RNF212: variants seen among roughly 807,000 people sequenced by gnomAD.
RNF212 encodes probable E3 SUMO-protein ligase RNF212.
A neutral mutation model predicts 34.7 loss-of-function variants in RNF212; 33 were observed. That is an observed-to-expected ratio of 0.95 (90% confidence interval 0.72 to 1.27). The LOEUF is 1.27. RNF212 is among the 50% of genes most tolerant of loss of function. The probability of loss-of-function intolerance (pLI) is 0.00; values close to 1 mark genes in which losing one functional copy is unlikely to be tolerated. For synonymous variants in RNF212, 140 were observed against 136.1 expected, an observed-to-expected ratio of 1.03 and a Z score of -0.20; for missense variants, 377 against 362.2, an observed-to-expected ratio of 1.04 and a Z score of -0.33.
At chr4:1,105,903 C>T (rs1577826178) in intron 2 of RNF212, among the ~76,000 whole-genome samples, 1 of 152,208 alleles carries the variant, frequency 6.6e-6, no homozygotes, top group Admixed American at 6.5e-5. Flanking sequence ...GGCACTGAGG[C>T]GGACGAAGAC....
At position 1,078,889 on chromosome 4, in the gene RNF212, T is replaced by C. The variant is rs369328789; in HGVS notation, c.510+754A>G. Among the ~76,000 whole-genome samples the C allele has an allele frequency of 3.5e-3, 439 of 124,552 alleles. 4 individuals are homozygous for C. The highest frequency in any genetic ancestry group is 4.3e-3 in the Non-Finnish European group (256 of 59,740). 81.7% of individuals were successfully genotyped at this position (124,552 alleles called of 152,430 possible). ...ACACAGGGTCAACACAGGACCGACA[T>C]GGGACCAACACAGGGTCAACACAGG... On this transcript the variant is annotated intron_variant, in intron 8 of 9. Transcript: ENST00000433731.
chr4:1,072,803 T>A lies in RNF212; in HGVS notation c.*71A>T, dbSNP rs548403166. On this transcript the variant is annotated 3_prime_UTR_variant, in exon 10 of 10. Coordinates refer to ENST00000433731, the MANE Select transcript of RNF212 (RefSeq NM_001131034.4). ...ATAAATGACAAAGGAATAAAGCAGA[T>A]AATTTGTAGAAAAAACACAGAGGAA... 157 of 1,491,326 alleles carry A rather than the reference T, an allele frequency of 1.1e-4. 3 individuals carry two copies. In the South Asian group the frequency reaches 1.9e-3, roughly 18 times the overall value. 92.4% of individuals were successfully genotyped at this position (1,491,326 alleles called of 1,614,324 possible).
chr4:1,056,445 G>A, exon 5 of RNF212: 1 of 923,580 alleles, frequency 1.1e-6, no homozygotes, highest in Non-Finnish European at 1.3e-6. Context: ...TCCCGCAGGA[G>A]GCATGGAAGT....
intron 2 of RNF212, chr4:1,100,168 G>C (rs1323065181): frequency 3.1e-6 from 1 of 324,312 alleles, no homozygotes; most frequent in Non-Finnish European, 6.0e-6. Context: ...GACTTTGCAC[G>C]GTTTCAGAAT....
chr4:1,073,000 A>G lies in RNF212; in HGVS notation c.768T>C (p.Tyr256=), dbSNP rs1276648642. The G allele has an allele frequency of 5.0e-6, 8 of 1,614,058 alleles. No homozygotes were observed. In the African/African-American group the frequency reaches 5.3e-5, roughly 11 times the overall value. ...ELTNSKTLPI[Y]AEVQRAVLFP... ...ACAAGACGGCCCTTTGTACCTCAGC[A>G]TATATTGGAAGTGTTTTAGAGTTGG... The change falls in exon 10 of 10, where the codon TAT becomes TAC. Residue 256 remains tyrosine (Y), a synonymous_variant. Coordinates refer to ENST00000433731, the MANE Select transcript of RNF212 (RefSeq NM_001131034.4).
chr4:1,089,622 G>A (rs971604058), intron 4 of RNF212, among the ~76,000 whole-genome samples: 1 of 152,180 alleles, frequency 6.6e-6, no homozygotes, highest in Non-Finnish European at 1.5e-5. Flanking sequence ...GAATGATGTG[G>A]TTTGGCTCTG....
intron 4 of RNF212, 37 bp downstream of exon 4, chr4:1,090,745 A>C (rs1722057447): frequency 2.5e-6 from 3 of 1,213,682 alleles, no homozygotes; most frequent in Non-Finnish European, 3.7e-6. Context: ...TCTAAAGGTC[A>C]AAAAAATTCA....
intron 4 of RNF212, among the ~76,000 whole-genome samples, chr4:1,089,292 A>C (rs1487898776): frequency 6.6e-6 from 1 of 152,210 alleles, no homozygotes; most frequent in Admixed American, 6.5e-5. Context: ...TAAAAGGATA[A>C]ATTTAAGATT....
chr4:1,085,606 C>T (rs988184904), intron 5 of RNF212: 16 of 516,718 alleles, frequency 3.1e-5, no homozygotes, highest in Admixed American at 1.0e-4. Flanking sequence ...TCTGAGAGGC[C>T]GGGGGCACCT....
intron 8 of RNF212, among the ~76,000 whole-genome samples, chr4:1,073,959 C>T (rs1006346584): frequency 1.3e-5 from 2 of 151,966 alleles, no homozygotes; most frequent in Admixed American, 6.6e-5. Flanking sequence ...TGAAAAAAAA[C>T]AAAATTTGCA....
intron 4 of RNF212, among the ~76,000 whole-genome samples, chr4:1,090,435 A>G (rs1331386443): frequency 6.6e-6 from 1 of 152,156 alleles, no homozygotes; most frequent in Admixed American, 6.5e-5. Context: ...TTTAAAAAGG[A>G]CTTGTTTTTC....
intron 8 of RNF212, among the ~76,000 whole-genome samples, chr4:1,074,562 C>G (rs922493361): frequency 2.0e-5 from 3 of 152,150 alleles, no homozygotes; most frequent in South Asian, 4.1e-4. Flanking sequence ...TCCAGGGACT[C>G]TCTCTGCCAC....
At position 1,061,523 on chromosome 4, in the gene RNF212, G is replaced by A. The variant is rs1022983591; in HGVS notation, n.148-3130C>T. On this transcript the variant is annotated intron_variant and non_coding_transcript_variant, in intron 3 of 4. Coordinates refer to the RNF212 transcript ENST00000503206. The stretch of plus-strand genomic sequence containing the variant: ...AGGCCTGTGCAGGGGGATCCAGCGC[G>A]GCCACAGAAGTGATGCCACAGGGGA... Among the ~76,000 whole-genome samples, 65 of 152,186 alleles carry A rather than the reference G, an allele frequency of 4.3e-4. 2 individuals carry two copies. Among genetic ancestry groups the A allele is most frequent in the South Asian group, 2.1e-4 (1 of 4,828 alleles).
At chr4:1,096,997 C>T (rs549032937) in intron 2 of RNF212, among the ~76,000 whole-genome samples, 158 bp from the exon 3 acceptor site, 73 of 152,322 alleles carry the variant, frequency 4.8e-4, no homozygotes, top group African/African-American at 1.6e-3. Context: ...GGGACAGCCT[C>T]GATCAACAGG....
At position 1,073,165 on chromosome 4, in the gene RNF212, G is replaced by C; in HGVS notation, c.603C>G (p.Phe201Leu). 2 of 1,614,070 alleles carry C rather than the reference G, an allele frequency of 1.2e-6. No homozygotes were observed. The highest frequency in any genetic ancestry group is 1.7e-6 in the Non-Finnish European group (2 of 1,179,950). ...MGPHLTASFC[F>L]IPWLTLSKPP... ...GCTTAGACAAGGTCAACCATGGGATGAAACAGAAAGAAGCTGTTAGATGTG... is the reference window on the plus strand; with the variant it reads ...GCTTAGACAAGGTCAACCATGGGATCAAACAGAAAGAAGCTGTTAGATGTG... The change falls in exon 10 of 10, where the codon TTC becomes TTG. Residue 201 changes from phenylalanine (F) to leucine (L), a missense_variant. Physicochemically the swap from Phe to Leu is conservative, Grantham distance 22 (BLOSUM62 0). Coordinates refer to ENST00000433731, the MANE Select transcript of RNF212 (RefSeq NM_001131034.4).
At position 1,073,025 on chromosome 4, in the gene RNF212, G is replaced by T. The variant is rs749063976; in HGVS notation, c.743C>A (p.Thr248Asn). 2 of 1,614,070 alleles carry T rather than the reference G, an allele frequency of 1.2e-6. No homozygotes were observed. Among genetic ancestry groups the T allele is most frequent in the Non-Finnish European group, 1.7e-6 (2 of 1,180,034 alleles). The change falls in exon 10 of 10, where the codon ACC becomes AAC. Residue 248 changes from threonine (T) to asparagine (N), a missense_variant. Transcript: ENST00000433731. ...ATATATTGGAAGTGTTTTAGAGTTG[G>T]TGAGTTCCCCGTGCCTTCCAGAACT... ...AFSSGRHGEL[T>N]NSKTLPIYAE...
chr4:1,064,869 A>G (rs540004289), intron 3 of RNF212, among the ~76,000 whole-genome samples: 1 of 152,246 alleles, frequency 6.6e-6, no homozygotes, highest in Non-Finnish European at 1.5e-5. Flanking sequence ...GATCTTGACT[A>G]CTTCACACAC....
At chr4:1,094,145 C>A in intron 3 of RNF212, 2 of 1,193,642 alleles carry the variant, frequency 1.7e-6, no homozygotes, top group Non-Finnish European at 1.1e-6. Flanking sequence ...CATCCTCAGT[C>A]TCCTGCCTCA....
rs1244557933 is a variant in RNF212 at position 1,095,267 on chromosome 4, A to T, written c.246+1498T>A. On this transcript the variant is annotated intron_variant, in intron 3 of 9. Coordinates refer to ENST00000433731, the MANE Select transcript of RNF212 (RefSeq NM_001131034.4). Reference sequence around the variant, plus strand: ...AGCGCACCTGGCTCATCACGGAACCAAGCACACCCCCCACAGCTCCATGGT... The same window carrying T: ...AGCGCACCTGGCTCATCACGGAACCTAGCACACCCCCCACAGCTCCATGGT... Among the ~76,000 whole-genome samples, 5 of 98,170 alleles carry T rather than the reference A, an allele frequency of 5.1e-5. 1 individual carries two copies. The allele number at this position is 98,170 out of a possible 152,430, so 64.4% of individuals were successfully genotyped here.
Sources: gnomAD v4.1 joint callset for allele counts (sites outside exome capture counted in the v4.1 genomes callset) on GRCh38, gnomAD v4.1.1 for gene constraint, MANE v1.5 for transcripts, NCBI Gene and HGNC (gene_info 2026-07-23, HGNC 2026-07-21) for gene names.